The following ULK4 variants were observed in gnomAD, a reference collection of about 807,000 sequenced individuals.
ULK4 encodes inactive serine/threonine-protein kinase ULK4.
Under a neutral mutation model 160.6 loss-of-function variants are expected in ULK4, and 133 were observed. The observed-to-expected ratio is 0.83, with a 90% CI of 0.72 to 0.96. The LOEUF is 0.96. Among genes scored for constraint, ULK4 ranks in the 40% least tolerant of loss-of-function variants. ULK4 has a pLI of 0.00. For missense variants in ULK4, 1,580 were observed against 1,499.5 expected (o/e 1.05, Z -0.89); for synonymous variants, 534 against 539.8 (o/e 0.99, Z 0.15).
intron 35 of ULK4, among the ~76,000 whole-genome samples, chr3:41,312,571 G>A (rs2080071280): frequency 6.6e-6 from 1 of 152,102 alleles, no homozygotes; most frequent in African/African-American, 2.4e-5. Flanking sequence ...CAAGGCTGGG[G>A]GATGCCTGAT....
At chr3:41,469,701 A>G (rs2083928946) in intron 32 of ULK4, among the ~76,000 whole-genome samples, 2 of 150,050 alleles carry the variant, frequency 1.3e-5, no homozygotes, top group South Asian at 2.1e-4. Flanking sequence ...AGAATTACAA[A>G]GAATCAGGAA....
chr3:41,639,151 G>T (rs1000658527), intron 30 of ULK4, among the ~76,000 whole-genome samples: 2 of 152,164 alleles, frequency 1.3e-5, no homozygotes, highest in African/African-American at 4.8e-5. Flanking sequence ...ATCGGCTGAT[G>T]GTTTTACTGG....
At chr3:41,295,961 A>C (rs2079660097) in intron 35 of ULK4, among the ~76,000 whole-genome samples, 2 of 152,270 alleles carry the variant, frequency 1.3e-5, no homozygotes, top group African/African-American at 4.8e-5. Context: ...AGAGGTTTAT[A>C]GCAGCTTTAC....
intron 35 of ULK4, among the ~76,000 whole-genome samples, chr3:41,322,848 T>TA (rs2125732156): frequency 6.6e-6 from 1 of 152,292 alleles, no homozygotes; most frequent in South Asian, 2.1e-4. Flanking sequence ...GAACAAGGCA[T>TA]ATTGTAGAAG....
chr3:41,622,896 C>T (rs2033324688), intron 30 of ULK4, among the ~76,000 whole-genome samples: 1 of 152,120 alleles, frequency 6.6e-6, no homozygotes, highest in Non-Finnish European at 1.5e-5. Flanking sequence ...TCTATAGCAA[C>T]TACTCAACTC....
At chr3:41,447,084 A>AG (rs1491294572) in intron 34 of ULK4, among the ~76,000 whole-genome samples, 2 of 3,000 alleles carry the variant, frequency 6.7e-4, no homozygotes, top group Non-Finnish European at 2.3e-3. Flanking sequence ...ACTCTGTCTC[A>AG]AAAAAAAAAA....
chr3:41,672,849 T>C (rs559394888), intron 29 of ULK4, among the ~76,000 whole-genome samples: 1 of 152,240 alleles, frequency 6.6e-6, no homozygotes, highest in South Asian at 2.1e-4. Flanking sequence ...AAAATTTTTA[T>C]TTTTTGAGAC....
At chr3:41,312,664 CAAAA>C (rs2080073921) in intron 35 of ULK4, among the ~76,000 whole-genome samples, 1 of 151,336 alleles carries the variant, frequency 6.6e-6, no homozygotes, top group South Asian at 2.1e-4. Context: ...AACAAACAAA[CAAAA>C]AAACATTAGC....
At position 41,408,257 on chromosome 3, in the gene ULK4, T is replaced by C. The variant is rs971545085; in HGVS notation, c.3493-9993A>G. Reference sequence around the variant, plus strand: ...TCCTGGCTAACACGGTGAAACCCTGTCTCTACTAAAAATAAAAAAAATTAG... The same window carrying C: ...TCCTGGCTAACACGGTGAAACCCTGCCTCTACTAAAAATAAAAAAAATTAG... On this transcript the variant is annotated intron_variant, in intron 34 of 36. Coordinates refer to ENST00000301831, the MANE Select transcript of ULK4 (RefSeq NM_017886.4). Among the ~76,000 whole-genome samples the C allele has an allele frequency of 2.8e-4, 42 of 150,728 alleles. 1 individual carries two copies. The highest frequency in any genetic ancestry group is 2.8e-3 in the Admixed American group (42 of 15,138).
intron 20 of ULK4, among the ~76,000 whole-genome samples, chr3:41,796,254 C>T (rs532107914): frequency 9.9e-5 from 15 of 152,052 alleles, no homozygotes; most frequent in African/African-American, 3.6e-4. Flanking sequence ...ATAATGAGAA[C>T]CCAGTCTCTC....
chr3:41,562,761 T>C (rs1007590214), intron 32 of ULK4, among the ~76,000 whole-genome samples: 20 of 152,182 alleles, frequency 1.3e-4, no homozygotes, highest in African/African-American at 3.6e-4. Context: ...TGTCTCTGCA[T>C]GTGAGATGAG....
chr3:41,947,192 T>TGGCGGGCG (rs1700136818), intron 2 of ULK4, among the ~76,000 whole-genome samples: 1 of 152,024 alleles, frequency 6.6e-6, no homozygotes, highest in Admixed American at 6.6e-5. Context: ...CCGGGCATAG[T>TGGCGGGCG]CCCAGCTACT....
chr3:41,403,161 A>C (rs2125819985), intron 34 of ULK4, among the ~76,000 whole-genome samples: 1 of 152,274 alleles, frequency 6.6e-6, no homozygotes, highest in African/African-American at 2.4e-5. Flanking sequence ...CAAAAAAAAA[A>C]AAAAGTAATT....
chr3:41,762,395 A>G (rs2039013150), intron 21 of ULK4, among the ~76,000 whole-genome samples: 1 of 152,144 alleles, frequency 6.6e-6, no homozygotes, highest in South Asian at 2.1e-4. Flanking sequence ...TGTTTTTTTA[A>G]GTTTAAAAAA....
At chr3:41,344,463 A>C (rs2080754886) in intron 35 of ULK4, among the ~76,000 whole-genome samples, 2 of 152,028 alleles carry the variant, frequency 1.3e-5, no homozygotes, top group African/African-American at 4.8e-5. Flanking sequence ...CAACAAAAGC[A>C]AAAATTGCCC....
At chr3:41,905,391 A>C (rs188636843) in intron 12 of ULK4, among the ~76,000 whole-genome samples, 1 of 152,258 alleles carries the variant, frequency 6.6e-6, no homozygotes, top group Admixed American at 6.5e-5. Flanking sequence ...TCTTAGAAGA[A>C]AACATAGGCA....
At chr3:41,294,717 T>C (rs2079636485) in intron 35 of ULK4, among the ~76,000 whole-genome samples, 1 of 152,140 alleles carries the variant, frequency 6.6e-6, no homozygotes, top group African/African-American at 2.4e-5. Context: ...CTAAAAAGTA[T>C]TAGCTAATGC....
At chr3:41,646,301 A>G (rs760890859) in intron 30 of ULK4, among the ~76,000 whole-genome samples, 3 of 152,106 alleles carry the variant, frequency 2.0e-5, no homozygotes, top group Non-Finnish European at 4.4e-5. Flanking sequence ...TGATCTTTAC[A>G]CTTTGGCATG....
At chr3:41,454,155 AC>A (rs1332155860) in intron 34 of ULK4, among the ~76,000 whole-genome samples, 4 of 150,042 alleles carry the variant, frequency 2.7e-5, no homozygotes, top group East Asian at 3.9e-4. Flanking sequence ...GTGCACATGT[AC>A]CCTAGAACTT....
Sources: gnomAD v4.1 joint callset for allele counts (sites outside exome capture counted in the v4.1 genomes callset) on GRCh38, gnomAD v4.1.1 for gene constraint, MANE v1.5 for transcripts, NCBI Gene and HGNC (gene_info 2026-07-23, HGNC 2026-07-21) for gene names.